The following CAPN13 variants were observed in gnomAD, a reference collection of about 807,000 sequenced individuals.
CAPN13 encodes calpain 13, also known as calpain-13.
CAPN13 carries 90 observed loss-of-function variants against 98.4 expected under a neutral mutation model. The ratio of observed to expected loss-of-function variants is 0.92; its 90% confidence interval spans 0.77 to 1.09. CAPN13 has a LOEUF of 1.09. Among genes scored for constraint, CAPN13 ranks in the 50% least tolerant of loss-of-function variants. The pLI is 0.00. For missense variants in CAPN13, 887 were observed against 841.3 expected, an observed-to-expected ratio of 1.05 and a Z score of -0.67; for synonymous variants, 330 against 305.5, an observed-to-expected ratio of 1.08 and a Z score of -0.84.
chr2:30,767,388 CA>C (rs1160568479), intron 5 of CAPN13, among the ~76,000 whole-genome samples: 3 of 152,172 alleles, frequency 2.0e-5, no homozygotes, highest in Non-Finnish European at 4.4e-5. Context: ...ATGCCAGGTC[CA>C]CGTTCCTATT....
chr2:30,806,230 T>A (rs10176484), intron 1 of CAPN13: 102,887 of 152,072 alleles, frequency 0.68, 35,156 homozygotes, highest in Non-Finnish European at 0.71. Flanking sequence ...TATAAACTTT[T>A]GCAGCAAGTC....
intron 11 of CAPN13, among the ~76,000 whole-genome samples, chr2:30,748,105 C>T (rs995582198): frequency 2.0e-5 from 3 of 152,226 alleles, no homozygotes; most frequent in Non-Finnish European, 2.9e-5. Flanking sequence ...CAGCTCTGAT[C>T]CTTCTGTGGG....
chr2:30,771,372 C>A (rs1216832805), intron 4 of CAPN13, among the ~76,000 whole-genome samples: 1 of 152,218 alleles, frequency 6.6e-6, no homozygotes, highest in Non-Finnish European at 1.5e-5. Context: ...TTTTCCACAT[C>A]TGGATGTCCC....
At chr2:30,768,813 CAG>C (rs899449659) in intron 5 of CAPN13, among the ~76,000 whole-genome samples, 3 of 152,052 alleles carry the variant, frequency 2.0e-5, no homozygotes, top group African/African-American at 4.8e-5. Flanking sequence ...TTGCTGGGCA[CAG>C]AGTTTCCATT....
intron 11 of CAPN13, among the ~76,000 whole-genome samples, chr2:30,749,236 C>T (rs1672060191): frequency 6.6e-6 from 1 of 152,200 alleles, no homozygotes; most frequent in South Asian, 2.1e-4. Context: ...CAACATGATA[C>T]TCAAAGGAAA....
At chr2:30,744,373 G>T (rs140972892) in intron 12 of CAPN13, among the ~76,000 whole-genome samples, 1 of 152,228 alleles carries the variant, frequency 6.6e-6, no homozygotes, top group South Asian at 2.1e-4. Context: ...TGGGAGGGTG[G>T]CATCTCCAAC....
chr2:30,759,556 G>T (rs1453213709), intron 7 of CAPN13, among the ~76,000 whole-genome samples: 1 of 152,228 alleles, frequency 6.6e-6, no homozygotes, highest in Non-Finnish European at 1.5e-5. Context: ...TTGGTCAGAG[G>T]AGAAGGACAA....
chr2:30,786,792 G>C (rs1674305052), intron 2 of CAPN13, among the ~76,000 whole-genome samples: 1 of 152,198 alleles, frequency 6.6e-6, no homozygotes, highest in African/African-American at 2.4e-5. Context: ...CAGAGTGATA[G>C]ATGGGGTCAA....
chr2:30,732,643 C>A (rs1347067529), intron 19 of CAPN13, 77 bp from the exon 20 acceptor site: 11 of 1,532,762 alleles, frequency 7.2e-6, no homozygotes, highest in Admixed American at 2.1e-5. Context: ...GTCTGAGACA[C>A]CTGTTCAGAG....
At chr2:30,798,219 T>C (rs890519485) in intron 1 of CAPN13, among the ~76,000 whole-genome samples, 10 of 152,258 alleles carry the variant, frequency 6.6e-5, no homozygotes, top group African/African-American at 2.4e-4. Flanking sequence ...CATTTAAATG[T>C]AAATATTCAC....
intron 11 of CAPN13, among the ~76,000 whole-genome samples, chr2:30,749,464 C>T (rs1025880624): frequency 4.6e-5 from 7 of 152,182 alleles, no homozygotes; most frequent in African/African-American, 1.7e-4. Flanking sequence ...TCTGGGGTAC[C>T]CAGGAGCCGT....
intron 2 of CAPN13, among the ~76,000 whole-genome samples, chr2:30,782,305 C>A (rs1343922007): frequency 6.6e-6 from 1 of 152,192 alleles, no homozygotes; most frequent in African/African-American, 2.4e-5. Context: ...TCTTAGTATT[C>A]GGCCTTTTCA....
At chr2:30,789,686 C>T (rs1674504944) in intron 1 of CAPN13, among the ~76,000 whole-genome samples, 1 of 152,180 alleles carries the variant, frequency 6.6e-6, no homozygotes, top group Non-Finnish European at 1.5e-5. Flanking sequence ...TGTTGTGAGA[C>T]TCAGATGAAA....
chr2:30,730,775 C>G lies in CAPN13; in HGVS notation c.1995G>C (p.Leu665=). 1 of 780,878 alleles carries G rather than the reference C, an allele frequency of 1.3e-6. No individual in the cohort carries two copies. The allele number at this position is 780,878 out of a possible 1,614,324, so 48.4% of individuals were successfully genotyped here. A position where few individuals can be genotyped will look rare whatever the true frequency, so the allele number is the denominator to read the frequency against. The part of the protein sequence containing the change: ...LYLTEMEWMS[L]VMYN ...CCTCTTTGCTTCAGTTGTACATGAC[C>G]AGGCTCATCCACTGAAAAATAAGCA... The change falls in exon 22 of 23, where the codon CTG becomes CTC. Residue 665 remains leucine (L), a synonymous_variant. Transcript: ENST00000295055.
intron 6 of CAPN13, among the ~76,000 whole-genome samples, chr2:30,763,499 A>AC: frequency 6.6e-6 from 1 of 152,366 alleles, no homozygotes; most frequent in South Asian, 2.1e-4. Flanking sequence ...CTTGACCCCC[A>AC]CATTGGGAGT....
rs1262752487 is a variant in CAPN13 at position 30,753,198 on chromosome 2, C to T, written c.942G>A (p.Trp314Ter). The change falls in exon 10 of 23, where the codon TGG becomes TGA. Residue 314 changes from tryptophan to a stop codon, truncating the protein, a stop_gained and splice_region_variant. Coordinates refer to ENST00000295055, the MANE Select transcript of CAPN13 (RefSeq NM_144575.3). LOFTEE classifies it high-confidence loss of function. ...LHKKREDGEF[W>*]MSCQDFQQKF... is the part of the protein sequence containing the mutation. ...TCTGTTGGAAATCTTGACACGACAT[C>T]CTGTTAAAAACAGATATACATCACT... 2.5e-6 allele frequency: 4 copies of T among 1,613,998 alleles called. No individual in the cohort carries two copies. The highest frequency in any genetic ancestry group is 3.4e-6 in the Non-Finnish European group (4 of 1,179,870).
At chr2:30,732,019 A>G (rs1057468889) in intron 20 of CAPN13, among the ~76,000 whole-genome samples, 2 of 152,012 alleles carry the variant, frequency 1.3e-5, no homozygotes, top group African/African-American at 4.8e-5. Flanking sequence ...AAGTGTGGAA[A>G]CTTCGGCCCA....
chr2:30,745,513 C>T (rs1170868922), intron 12 of CAPN13, among the ~76,000 whole-genome samples: 3 of 152,180 alleles, frequency 2.0e-5, no homozygotes, highest in Non-Finnish European at 2.9e-5. Context: ...GAGAACAGCT[C>T]AAAGGGTCGA....
intron 15 of CAPN13, among the ~76,000 whole-genome samples, chr2:30,739,328 G>T (rs1171593615): frequency 1.3e-5 from 2 of 152,078 alleles, no homozygotes; most frequent in Non-Finnish European, 2.9e-5. Context: ...AGTGGCACTG[G>T]TCATGTAGAA....
Sources: gnomAD v4.1 joint callset for allele counts (sites outside exome capture counted in the v4.1 genomes callset) on GRCh38, gnomAD v4.1.1 for gene constraint, MANE v1.5 for transcripts, NCBI Gene and HGNC (gene_info 2026-07-23, HGNC 2026-07-21) for gene names.